The following SLC43A2 variants were observed in gnomAD, a reference collection of about 807,000 sequenced individuals.
SLC43A2 encodes large neutral amino acids transporter small subunit 4.
In SLC43A2, 38 loss-of-function variants were observed where a neutral mutation model predicts 63.2. The ratio of observed to expected loss-of-function variants is 0.60; its 90% confidence interval spans 0.46 to 0.79. SLC43A2 has a LOEUF of 0.79. SLC43A2 is among the 30% of genes least tolerant of loss of function. The pLI is 0.00. For missense variants in SLC43A2, 644 were observed against 756.2 expected, an observed-to-expected ratio of 0.85 and a Z score of 1.74; for synonymous variants, 322 against 331.0, an observed-to-expected ratio of 0.97 and a Z score of 0.30.
In SLC43A2 at chr17:1,593,700, T is replaced by C. The variant is rs1905026778; in HGVS notation, c.502-421A>G. Among the ~76,000 whole-genome samples the C allele has an allele frequency of 6.6e-6, 1 of 152,150 alleles. No individual in the cohort carries two copies. The highest frequency in any genetic ancestry group is 1.5e-5 in the Non-Finnish European group (1 of 68,022). On this transcript the variant is annotated intron_variant, in intron 5 of 13. Coordinates refer to ENST00000301335, the MANE Select transcript of SLC43A2 (RefSeq NM_152346.3). This position sits in a 1 kb window ranked among gnomAD's most constrained non-coding sequence, Gnocchi z 5.3. ...AATAGCATCATTTTATAAATAAAAA[T>C]ATCAGCATTCCAGAAAGACCAGATG...
rs1011431881 is a variant in SLC43A2 at position 1,577,966 on chromosome 17, T to A, written c.1424+284A>T. 6.6e-6 allele frequency among the ~76,000 whole-genome samples: 1 copy of A among 152,150 alleles called. No homozygotes were observed. Among genetic ancestry groups the A allele is most frequent in the Non-Finnish European group, 1.5e-5 (1 of 68,034 alleles). On this transcript the variant is annotated intron_variant, in intron 12 of 13. Coordinates refer to ENST00000301335, the MANE Select transcript of SLC43A2 (RefSeq NM_152346.3). The surrounding 1 kb of genome is among the most constrained non-coding windows in gnomAD (Gnocchi z 4.9). ...TCGGCTGTAGTGGCCCCTGAGGCCA[T>A]AATGAGCTGCACAGGTGCCTGACCC...
chr17:1,611,509 C>T (rs753506863), intron 5 of SLC43A2, among the ~76,000 whole-genome samples: 2 of 151,890 alleles, frequency 1.3e-5, no homozygotes, highest in Non-Finnish European at 2.9e-5. Flanking sequence ...ATGGTGCACG[C>T]CTATAGTCCC....
At chr17:1,607,325 C>G (rs748602200) in intron 5 of SLC43A2, among the ~76,000 whole-genome samples, 3 of 152,152 alleles carry the variant, frequency 2.0e-5, no homozygotes, top group Non-Finnish European at 4.4e-5. Flanking sequence ...GGAGCTGATC[C>G]CGACAGTTCT....
rs201067068 is a variant in SLC43A2, at chr17:1,614,980, G to A, written c.423C>T (p.Asn141=). ...AAGATGGAGGGAGAGGACACTCACCGTTTGGTTTACTTGCTCCGTACGCAA... is the reference window on the plus strand; with the variant it reads ...AAGATGGAGGGAGAGGACACTCACCATTTGGTTTACTTGCTCCGTACGCAA... ...LLIAYGASKP[N]ALSVLIFIAL... The change falls in exon 4 of 14, where the codon AAC becomes AAT. Residue 141 remains asparagine, a splice_region_variant and synonymous_variant. Coordinates refer to ENST00000301335, the MANE Select transcript of SLC43A2 (RefSeq NM_152346.3). 21 of 1,613,852 alleles carry A rather than the reference G, an allele frequency of 1.3e-5. No homozygotes were observed. In the East Asian group the frequency reaches 2.2e-4, roughly 17 times the overall value.
At chr17:1,588,273 C>G (rs113744928) in intron 9 of SLC43A2, among the ~76,000 whole-genome samples, 19 of 152,014 alleles carry the variant, frequency 1.2e-4, no homozygotes, top group African/African-American at 4.6e-4. Flanking sequence ...GTAACCCCAG[C>G]TACTTGGGAG....
At chr17:1,613,813 C>T (rs550787224) in intron 4 of SLC43A2, among the ~76,000 whole-genome samples, 2 of 152,232 alleles carry the variant, frequency 1.3e-5, no homozygotes, top group South Asian at 4.1e-4. Context: ...TTAATATTAG[C>T]AGTGTCCAGG....
In SLC43A2 at chr17:1,591,378, A is replaced by G. The variant is rs1404513200; in HGVS notation, c.822T>C (p.Ser274=). 2.5e-6 allele frequency: 4 copies of G among 1,612,028 alleles called. No homozygotes were observed. The highest frequency in any genetic ancestry group is 8.5e-7 in the Non-Finnish European group (1 of 1,179,912). Residue 274 remains serine (S), a synonymous_variant, in exon 8 of 14, where the codon AGT becomes AGC. Transcript: ENST00000301335. ...KQVTTVGRRL[S]VGSSMRSAKE... ...TGGCACTCCTCATGGAGCTGCCCAC[A>G]CTCAGGCGCCGGCCCACCGTGGTCA...
rs368452148 is a variant in SLC43A2, at chr17:1,585,966, C to T, written c.1164G>A (p.Arg388=). 1.3e-5 allele frequency: 21 copies of T among 1,613,460 alleles called. 1 individual carries two copies. Among genetic ancestry groups the T allele is most frequent in the Admixed American group, 8.3e-5 (5 of 60,014 alleles). Residue 388 remains arginine, a synonymous_variant, in exon 10 of 14, where the codon AGG becomes AGA. Transcript: ENST00000301335. The stretch of plus-strand genomic sequence containing the variant: ...CGGAGGCGTCTTCACACTCCTTCAG[C>T]CTCCAGTCCATGATGTAGCCAATGA... ...APVIGYIMDW[R]LKECEDASEE...
chr17:1,569,995 C>G lies in SLC43A2; in HGVS notation c.*5609G>C, dbSNP rs1461099841. ...CTTCACCTCCCGGGTTCATGCCATT[C>G]TCCTGCCTCAGCCTCCCAAGTAGCT... On this transcript the variant is annotated 3_prime_UTR_variant, in exon 14 of 14. Transcript: ENST00000301335. The G allele has an allele frequency of 6.8e-6, 1 of 146,730 alleles. No homozygotes were observed. The highest frequency in any genetic ancestry group is 1.5e-5 in the Non-Finnish European group (1 of 67,292). 9.1% of individuals were successfully genotyped at this position (146,730 alleles called of 1,614,324 possible). A position where few individuals can be genotyped will look rare whatever the true frequency, so the allele number is the denominator to read the frequency against.
intron 9 of SLC43A2, chr17:1,586,934 C>T (rs566741468): frequency 4.2e-5 from 63 of 1,503,806 alleles, no homozygotes; most frequent in Non-Finnish European, 5.3e-5. Context: ...ACAATCCCCC[C>T]CACCCCCCGC....
intron 5 of SLC43A2, among the ~76,000 whole-genome samples, chr17:1,599,507 C>G (rs1598464958): frequency 6.6e-6 from 1 of 152,088 alleles, no homozygotes; most frequent in East Asian, 1.9e-4. Flanking sequence ...CAAGACCAGC[C>G]TGGCCAACAT....
rs750754459 is a variant in SLC43A2, at chr17:1,575,777, G to C, written c.1549-12C>G. 35 of 1,602,878 alleles carry C rather than the reference G, an allele frequency of 2.2e-5. No individual in the cohort carries two copies. The highest frequency in any genetic ancestry group is 7.8e-5 in the South Asian group (7 of 90,158). The stretch of plus-strand genomic sequence containing the variant: ...AGCCCCACGTTCACCTGGGGAGGCA[G>C]GGAGGCCGCGCATCACAGGGCGTGG... On this transcript the variant is annotated splice_polypyrimidine_tract_variant and intron_variant, in intron 13 of 13. Transcript: ENST00000301335.
At chr17:1,616,856 C>G in intron 2 of SLC43A2, 87 bp from the exon 3 acceptor site, 1 of 1,466,608 alleles carries the variant, frequency 6.8e-7, no homozygotes, top group African/African-American at 1.4e-5. Context: ...TTCAGAGTCC[C>G]CCCACTGGGA....
chr17:1,604,659 C>T, intron 5 of SLC43A2: 1 of 1,451,458 alleles, frequency 6.9e-7, no homozygotes, highest in Non-Finnish European at 9.3e-7. Context: ...CAGGGGGATA[C>T]CACAATGCCC....
rs1567615998 is a variant in SLC43A2, at chr17:1,585,976, A to G, written c.1154T>C (p.Met385Thr). 5 of 1,613,286 alleles carry G rather than the reference A, an allele frequency of 3.1e-6. No homozygotes were observed. The highest frequency in any genetic ancestry group is 4.2e-6 in the Non-Finnish European group (5 of 1,179,894). ...LLTAPVIGYIMDWRLKECEDA... is the reference protein window; with the variant it reads ...LLTAPVIGYITDWRLKECEDA... Reference sequence around the variant, plus strand: ...TTCACACTCCTTCAGCCTCCAGTCCATGATGTAGCCAATGACGGGGGCCGT... The same window carrying G: ...TTCACACTCCTTCAGCCTCCAGTCCGTGATGTAGCCAATGACGGGGGCCGT... The change falls in exon 10 of 14, where the codon ATG becomes ACG. Residue 385 changes from methionine (M) to threonine (T), a missense_variant. Coordinates refer to ENST00000301335, the MANE Select transcript of SLC43A2 (RefSeq NM_152346.3).
chr17:1,576,877 T>C (rs2075941956), intron 12 of SLC43A2, among the ~76,000 whole-genome samples, 157 bp from the exon 13 acceptor site: 1 of 151,210 alleles, frequency 6.6e-6, no homozygotes, highest in Admixed American at 6.6e-5. Flanking sequence ...TTTTTTTTTT[T>C]TTTTTAAGAT....
At position 1,609,266 on chromosome 17, in the gene SLC43A2, A is replaced by C. The variant is rs1371956512; in HGVS notation, c.501+3929T>G. On this transcript the variant is annotated intron_variant, in intron 5 of 13. Coordinates refer to ENST00000301335, the MANE Select transcript of SLC43A2 (RefSeq NM_152346.3). Reference sequence around the variant, plus strand: ...GCCCAGGCCGGAGTGCAGTGGCGCAATCTCGACTCGCTGCAACCTCTGCCT... The same window carrying C: ...GCCCAGGCCGGAGTGCAGTGGCGCACTCTCGACTCGCTGCAACCTCTGCCT... 2.6e-5 allele frequency among the ~76,000 whole-genome samples: 4 copies of C among 152,222 alleles called. No individual in the cohort carries two copies. The East Asian group carries it at 7.7e-4, about 29-fold the overall frequency.
chr17:1,589,042 G>A (rs1202317366), intron 9 of SLC43A2, among the ~76,000 whole-genome samples: 3 of 152,254 alleles, frequency 2.0e-5, no homozygotes. Flanking sequence ...CTAGGGCTAT[G>A]GGTGTTGGGT....
intron 9 of SLC43A2, among the ~76,000 whole-genome samples, chr17:1,590,364 G>A (rs900380086): frequency 2.0e-5 from 3 of 152,014 alleles, no homozygotes; most frequent in African/African-American, 7.3e-5. Context: ...TGGGCCAGTT[G>A]CCCCAGCGTC....
Sources: gnomAD v4.1 joint callset for allele counts (sites outside exome capture counted in the v4.1 genomes callset) on GRCh38, gnomAD v4.1.1 for gene constraint, Gnocchi (gnomAD v3.1) non-coding constraint, MANE v1.5 for transcripts, NCBI Gene and HGNC (gene_info 2026-07-23, HGNC 2026-07-21) for gene names.